CDC25C: variants seen among roughly 807,000 people sequenced by gnomAD.
CDC25C encodes cell division cycle 25C.
A neutral mutation model predicts 52.5 loss-of-function variants in CDC25C; 48 were observed. The observed-to-expected ratio is 0.91, with a 90% confidence interval of 0.72 to 1.16. CDC25C has a LOEUF of 1.16. Ranked by LOEUF, CDC25C falls within the 50% of genes most tolerant of loss-of-function variation. The pLI is 0.00. For missense variants in CDC25C, 510 were observed against 566.1 expected (o/e 0.90, Z 1.01); for synonymous variants, 187 against 206.5 (o/e 0.91, Z 0.81).
At chr5:138,328,653 A>G in intron 3 of CDC25C, 124 bp from the exon 4 acceptor site, 1 of 768,566 alleles carries the variant, frequency 1.3e-6, no homozygotes, top group South Asian at 1.5e-5. Context: ...TTTGAATACA[A>G]AGCCTCTCGA....
intron 7 of CDC25C, among the ~76,000 whole-genome samples, chr5:138,304,331 CTTTTTTTTT>C (rs558050918): frequency 9.9e-6 from 1 of 100,898 alleles, no homozygotes; most frequent in African/African-American, 4.2e-5. Context: ...CCATGCCTGG[CTTTTTTTTT>C]TTTTTTTTTT....
At chr5:138,330,321 A>G (rs1479880977) in intron 2 of CDC25C, among the ~76,000 whole-genome samples, 1 of 152,014 alleles carries the variant, frequency 6.6e-6, no homozygotes, top group East Asian at 1.9e-4. Flanking sequence ...TTTCTCAGGT[A>G]CTACTTCTCT....
In CDC25C at chr5:138,325,958, T is replaced by G. The variant is rs566429801; in HGVS notation, c.370-54A>C. 168 of 1,610,978 alleles carry G rather than the reference T, an allele frequency of 1.0e-4. 2 individuals are homozygous for G. In the South Asian group the frequency reaches 1.7e-3, roughly 16 times the overall value. On this transcript the variant is annotated intron_variant, in intron 5 of 13. Transcript: ENST00000323760. ...CAGCATCCTCAAGCCACAGGTGCAA[T>G]GGAAACCCTCTGCCTCCCACCTGAA...
intron 7 of CDC25C, among the ~76,000 whole-genome samples, chr5:138,314,265 G>C (rs1325399358): frequency 6.7e-6 from 1 of 149,314 alleles, no homozygotes; most frequent in Non-Finnish European, 1.5e-5. Flanking sequence ...TCAAAGTGCT[G>C]TCCTTTATTC....
In CDC25C at chr5:138,287,156, AATG is replaced by A. The variant is rs772137448; in HGVS notation, c.1026+10_1026+12del. ...CCAGCCCTCCCCTACTAATGGCCAC[AATG>A]TCGTCTCACCTGGATGTGTCCTCCC... On this transcript the variant is annotated intron_variant, in intron 11 of 13. Transcript: ENST00000323760. 5 of 1,589,036 alleles carry A rather than the reference AATG, an allele frequency of 3.1e-6. No homozygotes were observed. The highest frequency in any genetic ancestry group is 1.1e-5 in the South Asian group (1 of 90,582).
At chr5:138,332,813 G>A (rs1431708258), upstream of CDC25C, among the ~76,000 whole-genome samples, 1 of 152,200 alleles carries the variant, frequency 6.6e-6, no homozygotes, top group Non-Finnish European at 1.5e-5. Flanking sequence ...TTGCGCCACT[G>A]CACTCCAGCC....
At chr5:138,330,908 T>C (rs533728144) in intron 2 of CDC25C, 79 bp downstream of exon 2, 13 of 1,044,290 alleles carry the variant, frequency 1.2e-5, no homozygotes, top group Admixed American at 3.7e-5. Context: ...GCCGGGATAA[T>C]TGAAAACAAA....
At chr5:138,308,391 A>T (rs1283788392) in intron 7 of CDC25C, among the ~76,000 whole-genome samples, 1 of 152,320 alleles carries the variant, frequency 6.6e-6, no homozygotes, top group Middle Eastern at 3.4e-3. Flanking sequence ...AAATAAAAGG[A>T]TTTTTTAAAT....
rs1760344589 is a variant in CDC25C, at chr5:138,331,126, G to A, written c.55C>T (p.Pro19Ser). The A allele has an allele frequency of 6.2e-7, 1 of 1,613,918 alleles. No individual in the cohort carries two copies. Among genetic ancestry groups the A allele is most frequent in the African/African-American group, 1.3e-5 (1 of 75,036 alleles). ...TREEGSSGSGPSFRSNQRKML... is the reference protein window; with the variant it reads ...TREEGSSGSGSSFRSNQRKML... ...TTCCTTTGATTAGACCTAAAACTGG[G>A]TCCTGAGCCAGAGCTTCCTTCCTCT... is the stretch of plus-strand genomic sequence containing the variant. The change falls in exon 2 of 14, where the codon CCC becomes TCC. Residue 19 changes from proline (P) to serine (S), a missense_variant. Pro to Ser is a moderately conservative substitution (Grantham distance 74). Coordinates refer to ENST00000323760, the MANE Select transcript of CDC25C (RefSeq NM_001790.5).
intron 7 of CDC25C, among the ~76,000 whole-genome samples, chr5:138,312,457 T>A (rs1038665221): frequency 6.6e-6 from 1 of 152,174 alleles, no homozygotes; most frequent in Non-Finnish European, 1.5e-5. Context: ...TGCCAAAAGA[T>A]GGAAACCCAA....
chr5:138,332,010 T>G, upstream of CDC25C: 2 of 664,136 alleles, frequency 3.0e-6, no homozygotes, highest in Non-Finnish European at 3.7e-6. Flanking sequence ...AGGATAGTGT[T>G]TGGCCCACCA....
At chr5:138,310,744 G>C (rs1561697031) in intron 7 of CDC25C, among the ~76,000 whole-genome samples, 1 of 152,166 alleles carries the variant, frequency 6.6e-6, no homozygotes, top group Non-Finnish European at 1.5e-5. Context: ...TCTGGCCCCA[G>C]AGGCTACTTC....
intron 10 of CDC25C, 28 bp downstream of exon 10, chr5:138,289,473 C>T (rs1298466951): frequency 1.3e-6 from 2 of 1,533,494 alleles, no homozygotes. Context: ...CTTATGTAAC[C>T]AGTTACCATC....
chr5:138,312,945 C>A (rs1758561154), intron 7 of CDC25C, among the ~76,000 whole-genome samples: 8 of 151,688 alleles, frequency 5.3e-5, no homozygotes. Flanking sequence ...GAGATATATG[C>A]CAGAGATAAA....
intron 7 of CDC25C, among the ~76,000 whole-genome samples, chr5:138,295,116 T>C (rs1298370710): frequency 2.6e-5 from 4 of 152,234 alleles, no homozygotes; most frequent in Non-Finnish European, 5.9e-5. Context: ...CTTTCTCCAT[T>C]TGATTATTTT....
In CDC25C at chr5:138,292,665, A is replaced by G. The variant is rs144577179; in HGVS notation, c.616-549T>C. 2.5e-3 allele frequency among the ~76,000 whole-genome samples: 387 copies of G among 152,270 alleles called. 5 individuals are homozygous for G. The highest frequency in any genetic ancestry group is 5.0e-4 in the Non-Finnish European group (34 of 68,020). ...CAAATAGCATGCTGACCATTATAGG[A>G]TGGATACTATGAAACCCATCAGGGA... On this transcript the variant is annotated intron_variant, in intron 7 of 13. Transcript: ENST00000323760.
At position 138,285,420 on chromosome 5, in the gene CDC25C, T is replaced by G; in HGVS notation, c.*272A>C. On this transcript the variant is annotated 3_prime_UTR_variant, in exon 14 of 14. Coordinates refer to ENST00000323760, the MANE Select transcript of CDC25C (RefSeq NM_001790.5). ...CTGGCTTGTGAGAAGACATGAGGAG[T>G]TGGGAAAAGGAATGCCAGAGTTCCC... The G allele has an allele frequency of 2.7e-6, 1 of 370,544 alleles. No homozygotes were observed. The allele number at this position is 370,544 out of a possible 1,614,324, so 23.0% of individuals were successfully genotyped here. A position where few individuals can be genotyped will look rare whatever the true frequency, so the allele number is the denominator to read the frequency against.
chr5:138,314,268 C>G (rs1758695694), intron 7 of CDC25C, among the ~76,000 whole-genome samples: 1 of 148,940 alleles, frequency 6.7e-6, no homozygotes, highest in South Asian at 2.1e-4. Context: ...AAGTGCTGTC[C>G]TTTATTCAAA....
chr5:138,321,049 T>G (rs1759342622), intron 6 of CDC25C, among the ~76,000 whole-genome samples: 1 of 151,664 alleles, frequency 6.6e-6, no homozygotes, highest in Non-Finnish European at 1.5e-5. Flanking sequence ...GAGTTATGAT[T>G]GTGCCACTGT....
Sources: gnomAD v4.1 joint callset for allele counts (sites outside exome capture counted in the v4.1 genomes callset) on GRCh38, gnomAD v4.1.1 for gene constraint, MANE v1.5 for transcripts, NCBI Gene and HGNC (gene_info 2026-07-23, HGNC 2026-07-21) for gene names.